The following DIPK1A variants were observed in gnomAD, a reference collection of about 807,000 sequenced individuals.
DIPK1A encodes the protein divergent protein kinase domain 1A, also known as family with sequence similarity 69 member A.
DIPK1A carries 27 observed loss-of-function variants against 40.8 expected under a neutral mutation model. The observed-to-expected ratio is 0.66, with a 90% confidence interval of 0.49 to 0.91. The LOEUF (loss-of-function observed/expected upper bound fraction) is 0.91. Ranked by LOEUF, DIPK1A falls within the 40% of genes least tolerant of loss-of-function variation. The probability of loss-of-function intolerance (pLI) is 0.00; values close to 1 mark genes in which losing one functional copy is unlikely to be tolerated. For synonymous variants in DIPK1A, 166 were observed against 171.3 expected (o/e 0.97, Z 0.24); for missense variants, 412 against 505.7 (o/e 0.81, Z 1.78).
At chr1:92,879,100 A>C (rs1051634287) in intron 1 of DIPK1A, among the ~76,000 whole-genome samples, 1 of 151,972 alleles carries the variant, frequency 6.6e-6, no homozygotes, top group African/African-American at 2.4e-5. Flanking sequence ...GGATTGCTTG[A>C]GCCTGGGAGG....
chr1:92,908,734 G>A (rs1336920090), intron 1 of DIPK1A, among the ~76,000 whole-genome samples: 1 of 152,200 alleles, frequency 6.6e-6, no homozygotes, highest in Non-Finnish European at 1.5e-5. Context: ...AAAGTGAGGT[G>A]TTGACAGCTA....
At chr1:92,907,009 T>C (rs1410764763) in intron 1 of DIPK1A, among the ~76,000 whole-genome samples, 3 of 152,220 alleles carry the variant, frequency 2.0e-5, no homozygotes, top group African/African-American at 7.2e-5. Flanking sequence ...AAATGTTTAA[T>C]ATTCAAATGA....
intron 1 of DIPK1A, chr1:92,933,635 C>T (rs1650843165): frequency 6.6e-6 from 1 of 152,096 alleles, no homozygotes; most frequent in Non-Finnish European, 1.5e-5. Context: ...GAACAAGTTT[C>T]TAAAAGGAAA....
rs1687141645 is a variant in DIPK1A at position 92,836,659 on chromosome 1, T to C, written c.475-3625A>G. 3 of 460,138 alleles carry C rather than the reference T, an allele frequency of 6.5e-6. No homozygotes were observed. In the East Asian group the frequency reaches 1.3e-4, roughly 21 times the overall value. The allele number at this position is 460,138 out of a possible 1,614,324, so 28.5% of individuals were successfully genotyped here. A position where few individuals can be genotyped will look rare whatever the true frequency, so the allele number is the denominator to read the frequency against. On this transcript the variant is annotated intron_variant, in intron 4 of 4. Transcript: ENST00000615519. ...GATTGAAACCACTACCTTTTGCATA[T>C]GACTTAATTCTTATTAGAAATGAGC...
chr1:92,901,203 T>TA (rs1379449837), intron 1 of DIPK1A, among the ~76,000 whole-genome samples: 4 of 152,012 alleles, frequency 2.6e-5, no homozygotes, highest in African/African-American at 2.4e-5. Context: ...CTTCTATTCT[T>TA]ATTTTCCCCA....
chr1:92,851,575 A>G (rs1197019324), intron 2 of DIPK1A, among the ~76,000 whole-genome samples: 2 of 22,558 alleles, frequency 8.9e-5, no homozygotes, highest in African/African-American at 2.2e-4. Context: ...TCTGGTTTTA[A>G]AATAAATAAA....
At chr1:92,839,114 C>T (rs1225242766), downstream of DIPK1A, among the ~76,000 whole-genome samples, 14 of 148,730 alleles carry the variant, frequency 9.4e-5, no homozygotes, top group Admixed American at 2.0e-4. Context: ...AATCCCCGGA[C>T]TTGGGAGGCC....
intron 1 of DIPK1A, among the ~76,000 whole-genome samples, chr1:92,881,727 T>C (rs935218097): frequency 1.3e-5 from 2 of 152,188 alleles, no homozygotes; most frequent in African/African-American, 4.8e-5. Context: ...ACATGTATGA[T>C]ATGTTCCCAA....
At chr1:92,953,687 C>T (rs1571154380) in intron 1 of DIPK1A, among the ~76,000 whole-genome samples, 1 of 152,126 alleles carries the variant, frequency 6.6e-6, no homozygotes, top group Non-Finnish European at 1.5e-5. Flanking sequence ...AAGTATAAAG[C>T]AGTCTAATGG....
At chr1:92,900,012 T>C (rs1462615129) in intron 1 of DIPK1A, among the ~76,000 whole-genome samples, 1 of 151,716 alleles carries the variant, frequency 6.6e-6, no homozygotes, top group Non-Finnish European at 1.5e-5. Flanking sequence ...GAGGGTTCAC[T>C]TATATGTGAC....
chr1:92,839,837 T>C (rs1279155138), downstream of DIPK1A, among the ~76,000 whole-genome samples: 1 of 152,002 alleles, frequency 6.6e-6, no homozygotes, highest in Non-Finnish European at 1.5e-5. Flanking sequence ...TTTTTCTTTT[T>C]GTTTTCTTAC....
chr1:92,839,731 T>C (rs981314502), downstream of DIPK1A, among the ~76,000 whole-genome samples: 3 of 152,224 alleles, frequency 2.0e-5, no homozygotes, highest in African/African-American at 7.2e-5. Flanking sequence ...TCAGACAGTA[T>C]TTAAAATGAG....
chr1:92,920,649 G>T (rs1650235481), intron 1 of DIPK1A, among the ~76,000 whole-genome samples: 1 of 152,216 alleles, frequency 6.6e-6, no homozygotes, highest in African/African-American at 2.4e-5. Context: ...AAGATTAACA[G>T]ATGTTTTAAC....
intron 1 of DIPK1A, among the ~76,000 whole-genome samples, chr1:92,878,856 A>AAAC (rs1648249314): frequency 2.2e-5 from 3 of 134,296 alleles, no homozygotes; most frequent in African/African-American, 8.4e-5. Flanking sequence ...AACAAACAAA[A>AAAC]ATTAGCCGAG....
At chr1:92,909,809 G>T (rs142640124) in intron 1 of DIPK1A, among the ~76,000 whole-genome samples, 4 of 152,124 alleles carry the variant, frequency 2.6e-5, no homozygotes, top group African/African-American at 9.7e-5. Flanking sequence ...TGACTACCAG[G>T]GTGTAGGGGG....
At chr1:92,846,566 C>A in intron 4 of DIPK1A, 1 of 435,624 alleles carries the variant, frequency 2.3e-6, no homozygotes. Flanking sequence ...CTCCTCATAT[C>A]TGGACATTTT....
chr1:92,885,175 T>C (rs996593720), intron 1 of DIPK1A, among the ~76,000 whole-genome samples: 10 of 152,190 alleles, frequency 6.6e-5, no homozygotes, highest in Non-Finnish European at 1.2e-4. Context: ...GTCAGTATTC[T>C]GCCTTTGTTA....
chr1:92,871,079 CT>C (rs1273180546), intron 2 of DIPK1A, among the ~76,000 whole-genome samples: 1 of 152,158 alleles, frequency 6.6e-6, no homozygotes, highest in African/African-American at 2.4e-5. Flanking sequence ...CATCTTTCAT[CT>C]TATGTATTTA....
At chr1:92,871,169 A>T (rs1435272145) in intron 2 of DIPK1A, among the ~76,000 whole-genome samples, 2 of 150,790 alleles carry the variant, frequency 1.3e-5, no homozygotes, top group Non-Finnish European at 3.0e-5. Flanking sequence ...TCTTTTATTT[A>T]TTTATTTTTT....
Sources: allele counts gnomAD v4.1 joint callset (sites outside exome capture counted in the v4.1 genomes callset), GRCh38; gene constraint gnomAD v4.1.1; transcripts MANE v1.5; gene names NCBI Gene and HGNC (gene_info 2026-07-23, HGNC 2026-07-21).